The following MCPH1 variants were observed in gnomAD, a reference collection of about 807,000 sequenced individuals.
MCPH1 encodes the protein microcephalin.
MCPH1 carries 104 observed loss-of-function variants against 84.5 expected under a neutral mutation model. The ratio of observed to expected loss-of-function variants is 1.23; its 90% confidence interval spans 1.05 to 1.45. The LOEUF is 1.45. Ranked by LOEUF, MCPH1 falls within the 40% of genes most tolerant of loss-of-function variation. The pLI is 0.00. For synonymous variants in MCPH1, 514 were observed against 366.8 expected, an observed-to-expected ratio of 1.40 and a Z score of -4.58; for missense variants, 1,498 against 1,005.7, an observed-to-expected ratio of 1.49 and a Z score of -6.62.
At chr8:6,588,128 T>C (rs1356744746) in intron 12 of MCPH1, among the ~76,000 whole-genome samples, 2 of 152,122 alleles carry the variant, frequency 1.3e-5, no homozygotes, top group East Asian at 1.9e-4. Flanking sequence ...TGGCTGACAG[T>C]GTCCACAGGG....
At chr8:6,625,492 A>G (rs1831974807) in intron 13 of MCPH1, 1 of 985,096 alleles carries the variant, frequency 1.0e-6, no homozygotes, top group African/African-American at 1.7e-5. Flanking sequence ...GGAATATATC[A>G]AACCATTTTA....
chr8:6,596,882 CAGA>C (rs1828969969), intron 12 of MCPH1, among the ~76,000 whole-genome samples: 1 of 152,172 alleles, frequency 6.6e-6, no homozygotes, highest in Non-Finnish European at 1.5e-5. Context: ...TGAGAAAATA[CAGA>C]AGGACACACA....
intron 3 of MCPH1, among the ~76,000 whole-genome samples, chr8:6,423,887 G>A (rs1800648290): frequency 6.6e-6 from 1 of 152,136 alleles, no homozygotes; most frequent in African/African-American, 2.4e-5. Flanking sequence ...ATTTGTAGAA[G>A]AAAAATAATA....
In MCPH1 at chr8:6,444,978, ATAATCT is replaced by A; in HGVS notation, c.1260_1265del (p.Asn420_Leu421del). On this transcript the variant is annotated inframe_deletion, in exon 8 of 14. Coordinates refer to ENST00000344683, the MANE Select transcript of MCPH1 (RefSeq NM_024596.5). ...TCATATGATGACTATTTTTCACCTG[ATAATCT>A]TAAGGAAAGGTATTCAGAGAATCTT... 4 of 1,614,198 alleles carry A rather than the reference ATAATCT, an allele frequency of 2.5e-6. No individual in the cohort carries two copies. Among genetic ancestry groups the A allele is most frequent in the Non-Finnish European group, 3.4e-6 (4 of 1,180,042 alleles).
At chr8:6,532,537 C>A in intron 12 of MCPH1, 2 of 1,408,164 alleles carry the variant, frequency 1.4e-6, no homozygotes, top group Non-Finnish European at 1.9e-6. Context: ...TGACCGGAAA[C>A]CTGATTCCTA....
chr8:6,441,366 G>A (rs535527403), intron 6 of MCPH1, among the ~76,000 whole-genome samples: 1 of 151,006 alleles, frequency 6.6e-6, no homozygotes, highest in Non-Finnish European at 1.5e-5. Flanking sequence ...AAAATTTTAT[G>A]TGTGCTTCCC....
chr8:6,426,513 C>T (rs890945513), intron 3 of MCPH1, among the ~76,000 whole-genome samples: 1 of 152,232 alleles, frequency 6.6e-6, no homozygotes, highest in Non-Finnish European at 1.5e-5. Flanking sequence ...TTGTTTGTAG[C>T]AGTGGTTTCA....
chr8:6,616,604 C>T (rs1318159866), intron 12 of MCPH1: 1 of 152,252 alleles, frequency 6.6e-6, no homozygotes, highest in African/African-American at 2.4e-5. Flanking sequence ...CCTCTGCAAC[C>T]CAGGGCTCCT....
intron 3 of MCPH1, among the ~76,000 whole-genome samples, chr8:6,427,649 G>A (rs771424445): frequency 3.9e-5 from 6 of 151,964 alleles, no homozygotes; most frequent in Non-Finnish European, 7.4e-5. Context: ...CAAAATGTTG[G>A]GATTACACAT....
At chr8:6,574,847 G>C (rs772753156) in intron 12 of MCPH1, among the ~76,000 whole-genome samples, 3 of 152,146 alleles carry the variant, frequency 2.0e-5, no homozygotes, top group Admixed American at 6.5e-5. Context: ...AGAGAGAACA[G>C]GGCAGGCAAT....
intron 12 of MCPH1, among the ~76,000 whole-genome samples, chr8:6,556,086 G>A (rs932109258): frequency 1.3e-5 from 2 of 152,106 alleles, no homozygotes; most frequent in Non-Finnish European, 2.9e-5. Context: ...CCCAGTGGGC[G>A]AGAATTGCTG....
intron 13 of MCPH1, among the ~76,000 whole-genome samples, chr8:6,633,539 A>C (rs893141807): frequency 2.6e-5 from 4 of 152,192 alleles, no homozygotes; most frequent in Admixed American, 6.5e-5. Flanking sequence ...GGAAAATTCC[A>C]CACCTGACCT....
intron 9 of MCPH1, among the ~76,000 whole-genome samples, chr8:6,457,359 C>A (rs57388225): frequency 4.0e-5 from 6 of 151,588 alleles, no homozygotes; most frequent in Non-Finnish European, 8.8e-5. Flanking sequence ...TTGGGGCGGG[C>A]GGATCACTTG....
intron 6 of MCPH1, 134 bp downstream of exon 6, chr8:6,439,230 T>G (rs1337524847): frequency 5.5e-6 from 5 of 910,904 alleles, no homozygotes; most frequent in Non-Finnish European, 8.3e-6. Flanking sequence ...CATGGCTGGC[T>G]TTGTTTTCCA....
At chr8:6,508,874 T>TCC in intron 12 of MCPH1, 2 of 1,612,006 alleles carry the variant, frequency 1.2e-6, no homozygotes, top group Non-Finnish European at 1.7e-6. Context: ...TGCCAGCCTT[T>TCC]CCCTCTATGA....
intron 12 of MCPH1, among the ~76,000 whole-genome samples, chr8:6,584,098 G>A (rs1297201082): frequency 6.6e-6 from 1 of 152,098 alleles, no homozygotes; most frequent in African/African-American, 2.4e-5. Flanking sequence ...TCCTGCCACA[G>A]TCACTTCCCA....
At chr8:6,640,095 T>TGTGTGC (rs1554491968) in intron 13 of MCPH1, among the ~76,000 whole-genome samples, 1 of 138,564 alleles carries the variant, frequency 7.2e-6, no homozygotes, top group Non-Finnish European at 1.5e-5. Flanking sequence ...TGTGTGTGTG[T>TGTGTGC]GTGCGCGCGC....
intron 13 of MCPH1, among the ~76,000 whole-genome samples, chr8:6,634,183 G>C (rs910428998): frequency 2.0e-5 from 3 of 152,214 alleles, no homozygotes; most frequent in Non-Finnish European, 4.4e-5. Context: ...GTGGTAGGCT[G>C]ATCATGAAAC....
intron 4 of MCPH1, among the ~76,000 whole-genome samples, chr8:6,434,605 G>C (rs1802367863): frequency 1.3e-5 from 2 of 152,174 alleles, no homozygotes; most frequent in Non-Finnish European, 2.9e-5. Context: ...ATCTTTCTAG[G>C]TTGCAAGACC....
Sources: gnomAD v4.1 joint callset for allele counts (sites outside exome capture counted in the v4.1 genomes callset) on GRCh38, gnomAD v4.1.1 for gene constraint, MANE v1.5 for transcripts, NCBI Gene and HGNC (gene_info 2026-07-23, HGNC 2026-07-21) for gene names.